Variants in AMPD3 observed in about 807,000 individuals in gnomAD.
AMPD3 encodes the protein adenosine monophosphate deaminase 3, also known as AMP deaminase 3.
Under a neutral mutation model 82.3 loss-of-function variants are expected in AMPD3, and 57 were observed. That is an observed-to-expected ratio of 0.69 (90% confidence interval 0.56 to 0.86). AMPD3 has a LOEUF of 0.86. AMPD3 is among the 40% of genes least tolerant of loss of function. AMPD3 has a pLI of 0.00. For missense variants in AMPD3, 870 were observed against 1,003.8 expected, an observed-to-expected ratio of 0.87 and a Z score of 1.80; for synonymous variants, 381 against 394.7, an observed-to-expected ratio of 0.97 and a Z score of 0.41.
chr11:10,455,016 G>C, upstream of AMPD3: 1 of 434,450 alleles, frequency 2.3e-6, no homozygotes, highest in South Asian at 9.8e-5. Context: ...ATACTGCTCT[G>C]TGCACACAGG....
intron 2 of AMPD3, among the ~76,000 whole-genome samples, chr11:10,470,492 G>T (rs1848557461): frequency 6.6e-6 from 1 of 152,124 alleles, no homozygotes; most frequent in Admixed American, 6.6e-5. Flanking sequence ...AAGAAATAAA[G>T]ACTATTCAAA....
intron 2 of AMPD3, among the ~76,000 whole-genome samples, chr11:10,466,910 G>A (rs1460084785): frequency 1.3e-5 from 2 of 152,232 alleles, no homozygotes; most frequent in Non-Finnish European, 2.9e-5. Flanking sequence ...AGGGTCTGGA[G>A]TGGACCTCCA....
Position 10,456,306 on chromosome 11 carries a change from C to T in AMPD3, c.-6+858C>T. 2 of 1,606,670 alleles carry T rather than the reference C, an allele frequency of 1.2e-6. No homozygotes were observed. Among genetic ancestry groups the T allele is most frequent in the African/African-American group, 1.3e-5 (1 of 74,914 alleles). On this transcript the variant is annotated intron_variant, in intron 1 of 14. Coordinates refer to ENST00000396553, the MANE Select transcript of AMPD3 (RefSeq NM_001025389.2). The surrounding 1 kb of genome is among the most constrained non-coding windows in gnomAD (Gnocchi z 4.3). ...CAGGACCCAGCCAGCTGCACGCACG[C>T]ACTGACTCAGCTGAGCCTCCTGGGT... is the stretch of plus-strand genomic sequence containing the variant.
At position 10,507,453 on chromosome 11, in the gene AMPD3, G is replaced by A. The variant is rs1849739420; in HGVS notation, c.*1569G>A. On this transcript the variant is annotated 3_prime_UTR_variant, in exon 15 of 15. Coordinates refer to ENST00000396553, the MANE Select transcript of AMPD3 (RefSeq NM_001025389.2). ...AAATCCATTGTTATCTTAGGGATTAGTTTTGAAAAGCCCCCGTTTATATAC... is the reference window on the plus strand; with the variant it reads ...AAATCCATTGTTATCTTAGGGATTAATTTTGAAAAGCCCCCGTTTATATAC... The A allele has an allele frequency of 6.6e-6, 1 of 151,838 alleles. No individual in the cohort carries two copies. Among genetic ancestry groups the A allele is most frequent in the African/African-American group, 2.4e-5 (1 of 41,118 alleles). 9.4% of individuals were successfully genotyped at this position (151,838 alleles called of 1,614,324 possible). A position where few individuals can be genotyped will look rare whatever the true frequency, so the allele number is the denominator to read the frequency against.
At chr11:10,470,809 A>T (rs1360546511) in intron 2 of AMPD3, among the ~76,000 whole-genome samples, 3 of 152,216 alleles carry the variant, frequency 2.0e-5, no homozygotes, top group African/African-American at 7.2e-5. Context: ...AGGAAATAAG[A>T]AAGGACAAAA....
intron 11 of AMPD3, 82 bp downstream of exon 11, chr11:10,500,331 A>T (rs1443262220): frequency 6.5e-7 from 1 of 1,538,500 alleles, no homozygotes; most frequent in Non-Finnish European, 9.0e-7. Context: ...ACACACATGC[A>T]TGTGATCCTT....
chr11:10,488,371 G>C, intron 6 of AMPD3: 1 of 985,440 alleles, frequency 1.0e-6, no homozygotes, highest in African/African-American at 1.7e-5. Flanking sequence ...GAGTGAGTAG[G>C]AGCTTGCCAG....
chr11:10,472,180 A>G (rs1346434123), intron 2 of AMPD3, among the ~76,000 whole-genome samples: 2 of 152,226 alleles, frequency 1.3e-5, no homozygotes, highest in Non-Finnish European at 2.9e-5. Flanking sequence ...ATTCTCAGCA[A>G]ACTAACACAA....
upstream of AMPD3, among the ~76,000 whole-genome samples, chr11:10,453,572 C>CTTTCTT (rs562272145): frequency 6.6e-6 from 1 of 151,778 alleles, no homozygotes; most frequent in Non-Finnish European, 1.5e-5. Flanking sequence ...AGAGTGATAT[C>CTTTCTT]TTTCTTTTTC....
At chr11:10,498,064 C>T (rs545899910) in intron 10 of AMPD3, among the ~76,000 whole-genome samples, 1 of 152,324 alleles carries the variant, frequency 6.6e-6, no homozygotes, top group East Asian at 1.9e-4. Context: ...AGCTGGAATG[C>T]GTTTCCAGGC....
chr11:10,461,305 C>T, intron 1 of AMPD3: 1 of 1,553,378 alleles, frequency 6.4e-7, no homozygotes, highest in Non-Finnish European at 8.7e-7. Flanking sequence ...CTTGCTTTCT[C>T]CTGACACCTA....
chr11:10,467,395 A>G (rs113449484), intron 2 of AMPD3, among the ~76,000 whole-genome samples: 3,702 of 152,300 alleles, frequency 0.024, 159 homozygotes, highest in African/African-American at 0.08. Flanking sequence ...AGCTGAATCA[A>G]TCAAACGGAA....
At chr11:10,461,827 C>T in intron 2 of AMPD3, 87 bp downstream of exon 2, 8 of 1,274,152 alleles carry the variant, frequency 6.3e-6, no homozygotes, top group Non-Finnish European at 8.9e-6. Flanking sequence ...TGAGGCACCT[C>T]ATGGGGACTG....
At chr11:10,472,731 C>A (rs1013253622) in intron 2 of AMPD3, among the ~76,000 whole-genome samples, 3 of 152,052 alleles carry the variant, frequency 2.0e-5, no homozygotes, top group East Asian at 3.9e-4. Flanking sequence ...GGGCTGGGCG[C>A]GGTGGCTCAC....
chr11:10,455,053 C>A (rs992455090), upstream of AMPD3: 2 of 700,708 alleles, frequency 2.9e-6, no homozygotes, highest in Non-Finnish European at 3.5e-6. Context: ...CAGTAAGACA[C>A]AACCTCACGA....
At chr11:10,468,648 C>T (rs554135234) in intron 2 of AMPD3, among the ~76,000 whole-genome samples, 2 of 151,954 alleles carry the variant, frequency 1.3e-5, no homozygotes, top group African/African-American at 4.8e-5. Context: ...GACTTGAACT[C>T]AGCTCTGGAA....
At chr11:10,493,324 G>C in intron 6 of AMPD3, 25 bp from the exon 7 acceptor site, 1 of 1,613,716 alleles carries the variant, frequency 6.2e-7, no homozygotes, top group Non-Finnish European at 8.5e-7. Flanking sequence ...GCCTGACTCA[G>C]GGCCTGGTGG....
chr11:10,500,024 G>A, intron 10 of AMPD3, 62 bp from the exon 11 acceptor site: 1 of 1,607,106 alleles, frequency 6.2e-7, no homozygotes, highest in South Asian at 1.1e-5. Context: ...GCTCTGGGAG[G>A]CTGAACCGAG....
rs1849721874 is a variant in AMPD3 at position 10,506,669 on chromosome 11, T to TA, written c.*785_*786insA. The TA allele has an allele frequency of 6.6e-6, 1 of 152,618 alleles. No individual in the cohort carries two copies. The highest frequency in any genetic ancestry group is 1.5e-5 in the Non-Finnish European group (1 of 68,122). 9.5% of individuals were successfully genotyped at this position (152,618 alleles called of 1,614,324 possible). ...TGGGGCTGCTACATAATATTTTCAT[T>TA]TGAACGAAGAACTTCAAAAAGCACA... is the stretch of plus-strand genomic sequence containing the variant. On this transcript the variant is annotated 3_prime_UTR_variant, in exon 15 of 15. Coordinates refer to ENST00000396553, the MANE Select transcript of AMPD3 (RefSeq NM_001025389.2). This position sits in a 1 kb window ranked among gnomAD's most constrained non-coding sequence, Gnocchi z 4.1.
Sources: allele counts gnomAD v4.1 joint callset (sites outside exome capture counted in the v4.1 genomes callset), GRCh38; gene constraint gnomAD v4.1.1; non-coding constraint Gnocchi (gnomAD v3.1); transcripts MANE v1.5; gene names NCBI Gene and HGNC (gene_info 2026-07-23, HGNC 2026-07-21).